PNPLA5: variants seen among roughly 807,000 people sequenced by gnomAD.
PNPLA5 encodes patatin-like phospholipase domain-containing protein 5.
A neutral mutation model predicts 49.1 loss-of-function variants in PNPLA5; 44 were observed. The ratio of observed to expected loss-of-function variants is 0.90; its 90% confidence interval spans 0.70 to 1.15. PNPLA5 has a LOEUF of 1.15. Among genes scored for constraint, PNPLA5 ranks in the 50% most tolerant of loss-of-function variants. The probability of loss-of-function intolerance (pLI) is 0.00; values close to 1 mark genes in which losing one functional copy is unlikely to be tolerated. For missense variants in PNPLA5, 603 were observed against 564.0 expected (o/e 1.07, Z -0.70); for synonymous variants, 243 against 244.4 (o/e 0.99, Z 0.06).
rs2049611237 is a variant in PNPLA5 at position 43,881,609 on chromosome 22, A to G, written c.1148T>C (p.Met383Thr). The stretch of plus-strand genomic sequence containing the variant: ...GGTCCTGGAGAAAACCTCGAGGGCC[A>G]TGTTCCTCAGCAGGCCCTGCATCCA... ...LWWMQGLLRN[M>T]ALEVFSRTKA... The change falls in exon 8 of 9, where the codon ATG (methionine) becomes ACG (threonine). Residue 383 changes from methionine (M) to threonine (T), a missense_variant. Coordinates refer to ENST00000216177, the MANE Select transcript of PNPLA5 (RefSeq NM_138814.4). The G allele has an allele frequency of 1.2e-6, 2 of 1,612,800 alleles. No homozygotes were observed. The highest frequency in any genetic ancestry group is 2.7e-5 in the African/African-American group (2 of 74,856).
intron 4 of PNPLA5, 85 bp from the exon 5 acceptor site, chr22:43,887,736 A>G: frequency 6.5e-7 from 1 of 1,547,906 alleles, no homozygotes; most frequent in South Asian, 1.2e-5. Flanking sequence ...ACTTATCTTC[A>G]ACTGGAAATA....
In PNPLA5 at chr22:43,886,473, G is replaced by A; in HGVS notation, c.779C>T (p.Pro260Leu). Residue 260 changes from proline (P) to leucine (L), a missense_variant, in exon 6 of 9, where the codon CCA becomes CTA. Pro to Leu is a moderately conservative substitution (Grantham distance 98, BLOSUM62 -3). Coordinates refer to ENST00000216177, the MANE Select transcript of PNPLA5 (RefSeq NM_138814.4). ...FLERRGLTKE[P>L]VLWTLVSKEP... ...CTTAGACACCAGCGTCCATAGCACT[G>A]GTTCCTTGGTGAGTCCTGGGTCAGG... 8 of 1,613,264 alleles carry A rather than the reference G, an allele frequency of 5.0e-6. No individual in the cohort carries two copies. The highest frequency in any genetic ancestry group is 6.8e-6 in the Non-Finnish European group (8 of 1,179,642).
At chr22:43,889,955 C>T (rs1316445956) in intron 2 of PNPLA5, 91 bp from the exon 3 acceptor site, 7 of 1,537,586 alleles carry the variant, frequency 4.6e-6, no homozygotes, top group Admixed American at 2.0e-5. Context: ...CAACAGCCTG[C>T]AAAGGAGGTG....
chr22:43,887,656 C>G lies in PNPLA5; in HGVS notation c.703-5G>C. On this transcript the variant is annotated splice_region_variant and splice_polypyrimidine_tract_variant and intron_variant, in intron 4 of 8. Coordinates refer to ENST00000216177, the MANE Select transcript of PNPLA5 (RefSeq NM_138814.4). ...TCTGCAGTTGTCGGCCACTACCTGC[C>G]AACACACAGGGCAAGGGTGAGATGG... 6.2e-7 allele frequency: 1 copy of G among 1,600,048 alleles called. No individual in the cohort carries two copies. Among genetic ancestry groups the G allele is most frequent in the Non-Finnish European group, 8.5e-7 (1 of 1,172,258 alleles).
At chr22:43,885,960 T>C (rs573808291) in intron 6 of PNPLA5, among the ~76,000 whole-genome samples, 1 of 152,330 alleles carries the variant, frequency 6.6e-6, no homozygotes, top group African/African-American at 2.4e-5. Context: ...ACTCCCGCCC[T>C]TTCCGGGGCA....
chr22:43,881,052 G>A (rs1259660576), intron 8 of PNPLA5, 167 bp from the exon 9 acceptor site: 4 of 956,892 alleles, frequency 4.2e-6, no homozygotes, highest in Non-Finnish European at 5.0e-6. Context: ...AAGTGTCAGG[G>A]AGGTCCTGGG....
At chr22:43,888,371 A>AGTATGT (rs1556478423) in intron 4 of PNPLA5, among the ~76,000 whole-genome samples, 2 of 112,968 alleles carry the variant, frequency 1.8e-5, no homozygotes, top group Non-Finnish European at 3.5e-5. Flanking sequence ...GGGGCAGAGG[A>AGTATGT]GTGTGTGTGT....
At position 43,891,167 on chromosome 22, in the gene PNPLA5, G is replaced by C; in HGVS notation, c.321C>G (p.Asp107Glu). The C allele has an allele frequency of 1.9e-6, 3 of 1,599,566 alleles. No individual in the cohort carries two copies. The highest frequency in any genetic ancestry group is 2.6e-6 in the Non-Finnish European group (3 of 1,170,890). ...KQQLQDALPP[D>E]AHVLASQRLG... ...GCCGCTGGGAGGCCAGGACGTGGGC[G>C]TCGGGGGGCAGAGCATCCTGCAGCT... The change falls in exon 2 of 9, where the codon GAC (aspartate) becomes GAG (glutamate). Residue 107 changes from aspartate (D) to glutamate (E), a missense_variant. Transcript: ENST00000216177.
At chr22:43,891,327 C>T (rs916358) in intron 1 of PNPLA5, 33 bp from the exon 2 acceptor site, 185,705 of 1,528,638 alleles carry the variant, frequency 0.12, 15,503 homozygotes, top group East Asian at 0.49. Context: ...GAGACCTCAG[C>T]GCCCAGGGAT....
At chr22:43,887,199 A>G (rs768275645) in intron 5 of PNPLA5, among the ~76,000 whole-genome samples, 6 of 151,682 alleles carry the variant, frequency 4.0e-5, no homozygotes, top group Non-Finnish European at 5.9e-5. Flanking sequence ...GGAATCTTCA[A>G]TTTTGCTGGT....
rs1448136178 is a variant in PNPLA5 at position 43,880,274 on chromosome 22, T to G, written c.*521A>C. On this transcript the variant is annotated 3_prime_UTR_variant, in exon 9 of 9. Coordinates refer to ENST00000216177, the MANE Select transcript of PNPLA5 (RefSeq NM_138814.4). ...TGCTTCCTGCCAGGGCCTTCCACCC[T>G]CTGGACCTGATAGGAATTCAGAAGT... The G allele has an allele frequency of 7.5e-6, 3 of 397,576 alleles. No individual in the cohort carries two copies. The highest frequency in any genetic ancestry group is 1.3e-5 in the Non-Finnish European group (3 of 226,090). The allele number at this position is 397,576 out of a possible 1,614,324, so 24.6% of individuals were successfully genotyped here.
intron 6 of PNPLA5, among the ~76,000 whole-genome samples, chr22:43,885,843 G>A (rs778034603): frequency 1.3e-5 from 2 of 152,194 alleles, no homozygotes; most frequent in South Asian, 4.1e-4. Context: ...TGTACAATGA[G>A]AACAATTCTG....
chr22:43,888,036 G>A (rs1201683353), intron 4 of PNPLA5, among the ~76,000 whole-genome samples: 1 of 152,328 alleles, frequency 6.6e-6, no homozygotes, highest in Admixed American at 6.5e-5. Context: ...GTGGATGGGG[G>A]TTCCCTTTGC....
chr22:43,882,975 C>T (rs1465461413), intron 7 of PNPLA5, among the ~76,000 whole-genome samples: 4 of 152,226 alleles, frequency 2.6e-5, no homozygotes, highest in East Asian at 1.9e-4. Context: ...GAGCTCAGTG[C>T]GTCTGCCCCA....
intron 7 of PNPLA5, 53 bp downstream of exon 7, chr22:43,884,160 A>G (rs1366671198): frequency 8.8e-7 from 1 of 1,135,128 alleles, no homozygotes; most frequent in Non-Finnish European, 1.1e-6. Flanking sequence ...TGCCATGGGC[A>G]CCAGTCTCCG....
chr22:43,880,717 C>A lies in PNPLA5; in HGVS notation c.*78G>T. The A allele has an allele frequency of 8.2e-7, 1 of 1,213,452 alleles. No homozygotes were observed. The highest frequency in any genetic ancestry group is 1.0e-6 in the Non-Finnish European group (1 of 960,162). The allele number at this position is 1,213,452 out of a possible 1,614,324, so 75.2% of individuals were successfully genotyped here. On this transcript the variant is annotated 3_prime_UTR_variant, in exon 9 of 9. Coordinates refer to ENST00000216177, the MANE Select transcript of PNPLA5 (RefSeq NM_138814.4). The stretch of plus-strand genomic sequence containing the variant: ...TTGGCAGGGCCTCTTCCCGCTGGGG[C>A]AGATGTGGGCACACAGGACAAAGGC...
intron 2 of PNPLA5, 59 bp from the exon 3 acceptor site, chr22:43,889,923 T>A: frequency 1.3e-6 from 2 of 1,588,540 alleles, no homozygotes; most frequent in Non-Finnish European, 1.7e-6. Context: ...TTCAGAACCT[T>A]CCTAGGCACG....
At chr22:43,881,744 C>A in intron 7 of PNPLA5, 70 bp from the exon 8 acceptor site, 1 of 1,569,530 alleles carries the variant, frequency 6.4e-7, no homozygotes, top group South Asian at 1.2e-5. Flanking sequence ...CCACCCTCCC[C>A]ATAGGCCCAG....
At chr22:43,883,416 G>A (rs1291013043) in intron 7 of PNPLA5, among the ~76,000 whole-genome samples, 1 of 152,244 alleles carries the variant, frequency 6.6e-6, no homozygotes, top group Non-Finnish European at 1.5e-5. Context: ...AACTGCTGGT[G>A]GGATGAATGA....
Sources: gnomAD v4.1 joint callset for allele counts (sites outside exome capture counted in the v4.1 genomes callset) on GRCh38, gnomAD v4.1.1 for gene constraint, MANE v1.5 for transcripts, NCBI Gene and HGNC (gene_info 2026-07-23, HGNC 2026-07-21) for gene names.